Variants in LTBP2 observed in about 807,000 individuals in gnomAD.
LTBP2 encodes the protein latent-transforming growth factor beta-binding protein 2.
Under a neutral mutation model 210.6 loss-of-function variants are expected in LTBP2, and 103 were observed. That is an observed-to-expected ratio of 0.49 (90% CI 0.42 to 0.58). The LOEUF (loss-of-function observed/expected upper bound fraction) is 0.58, where lower values mean the gene tolerates loss of function less well. LTBP2 is among the 20% of genes least tolerant of loss of function. The pLI is 0.00. For synonymous variants in LTBP2, 1,007 were observed against 1,015.0 expected, an observed-to-expected ratio of 0.99 and a Z score of 0.15; for missense variants, 2,313 against 2,494.5, an observed-to-expected ratio of 0.93 and a Z score of 1.55.
At chr14:74,514,664 T>C (rs2087113019) in intron 18 of LTBP2, among the ~76,000 whole-genome samples, 1 of 152,334 alleles carries the variant, frequency 6.6e-6, no homozygotes, top group East Asian at 1.9e-4. Flanking sequence ...GTCTATCCCC[T>C]GTCCGTGGGA....
At chr14:74,588,479 C>T (rs111261027) in intron 2 of LTBP2, among the ~76,000 whole-genome samples, 1 of 152,120 alleles carries the variant, frequency 6.6e-6, no homozygotes, top group South Asian at 2.1e-4. Context: ...CCTCGGCCTC[C>T]CAAAGTGCTG....
chr14:74,525,010 T>C, intron 15 of LTBP2, 114 bp downstream of exon 15: 1 of 522,306 alleles, frequency 1.9e-6, no homozygotes, highest in Non-Finnish European at 3.3e-6. Flanking sequence ...GGACTTTACC[T>C]AGTTGGAAAG....
chr14:74,504,065 C>T lies in LTBP2; in HGVS notation c.4454-11G>A. 1 of 1,613,616 alleles carries T rather than the reference C, an allele frequency of 6.2e-7. No individual in the cohort carries two copies. The highest frequency in any genetic ancestry group is 8.5e-7 in the Non-Finnish European group (1 of 1,179,910). ...CACACTCATCCGCATCTGTGGAAGG[C>T]AGAGCTGAGGTGAGAGGAAGGTGAG... On this transcript the variant is annotated splice_polypyrimidine_tract_variant and intron_variant, in intron 30 of 35. Coordinates refer to ENST00000261978, the MANE Select transcript of LTBP2 (RefSeq NM_000428.3).
At chr14:74,522,101 T>C (rs1385676614) in intron 16 of LTBP2, 62 bp from the exon 17 acceptor site, 1 of 1,562,558 alleles carries the variant, frequency 6.4e-7, no homozygotes, top group Admixed American at 1.9e-5. Flanking sequence ...TTTGGGCACC[T>C]ACCAGCAACC....
intron 8 of LTBP2, among the ~76,000 whole-genome samples, chr14:74,540,877 A>ATATATAAT (rs1491410493): frequency 1.3e-5 from 1 of 79,530 alleles, no homozygotes; most frequent in Non-Finnish European, 2.4e-5. Flanking sequence ...TTATATATAT[A>ATATATAAT]ATATATATAT....
Position 74,501,291 on chromosome 14 carries a change from A to C in LTBP2, c.5320+150T>G, listed in dbSNP as rs545612246. On this transcript the variant is annotated intron_variant, in intron 35 of 35. Transcript: ENST00000261978. The stretch of plus-strand genomic sequence containing the variant: ...CGGAAGGGGCTTTCTAAAGCACATA[A>C]TTAAACCTTCCTTTGGCGCTTTCTT... 2.8e-4 allele frequency: 370 copies of C among 1,307,850 alleles called. 2 individuals carry two copies. In the African/African-American group the frequency reaches 4.9e-3, roughly 17 times the overall value. 81.0% of individuals were successfully genotyped at this position (1,307,850 alleles called of 1,614,324 possible).
intron 18 of LTBP2, among the ~76,000 whole-genome samples, chr14:74,513,947 C>T (rs551015067): frequency 3.1e-4 from 47 of 152,296 alleles, no homozygotes; most frequent in African/African-American, 1.1e-3. Flanking sequence ...GATTATCACA[C>T]GTGAATGGGA....
chr14:74,611,527 G>A lies in LTBP2; in HGVS notation c.418C>T (p.Pro140Ser). ...GGGGTCCCCAGGCGTGGGAGAGCCG[G>A]CGCGGCCCGGGTCCGGGGTGCTGGT... is the stretch of plus-strand genomic sequence containing the variant. ...QQPAPRTRAA[P>S]ALPRLGTPQR... Residue 140 changes from proline (P) to serine (S), a missense_variant, in exon 1 of 36, where the codon CCG becomes TCG. Transcript: ENST00000261978. 1.3e-6 allele frequency: 2 copies of A among 1,548,474 alleles called. No homozygotes were observed. The highest frequency in any genetic ancestry group is 1.7e-6 in the Non-Finnish European group (2 of 1,156,208).
Position 74,532,557 on chromosome 14 carries a change from T to C in LTBP2, c.1865-9A>G. On this transcript the variant is annotated splice_polypyrimidine_tract_variant and intron_variant, in intron 9 of 35. Coordinates refer to ENST00000261978, the MANE Select transcript of LTBP2 (RefSeq NM_000428.3). ...CAAGCACTCGTTGATATCTGCAGGG[T>C]TGGAGGAGATGACCAAGTGCCCGCC... is the stretch of plus-strand genomic sequence containing the variant. 1.2e-6 allele frequency: 2 copies of C among 1,613,892 alleles called. No individual in the cohort carries two copies. Among genetic ancestry groups the C allele is most frequent in the Non-Finnish European group, 1.7e-6 (2 of 1,179,916 alleles).
chr14:74,596,250 TAAATAAATAAATAAAAATTA>T (rs1292895344), intron 2 of LTBP2, among the ~76,000 whole-genome samples: 1 of 149,244 alleles, frequency 6.7e-6, no homozygotes, highest in African/African-American at 2.5e-5. Flanking sequence ...AATAAATAAA[TAAATAAATAAATAAAAATTA>T]AAAACAAAGA....
At chr14:74,591,168 C>T (rs535077198) in intron 2 of LTBP2, among the ~76,000 whole-genome samples, 6 of 152,112 alleles carry the variant, frequency 3.9e-5, no homozygotes, top group Non-Finnish European at 8.8e-5. Context: ...AGACTGGGTG[C>T]CGAGGCCAGA....
chr14:74,599,997 A>G (rs114572991), intron 2 of LTBP2, among the ~76,000 whole-genome samples: 1 of 152,156 alleles, frequency 6.6e-6, no homozygotes, highest in African/African-American at 2.4e-5. Flanking sequence ...AACATTCCCC[A>G]ACATTGGCAG....
At chr14:74,592,771 T>C (rs1452399399) in intron 2 of LTBP2, among the ~76,000 whole-genome samples, 1 of 152,210 alleles carries the variant, frequency 6.6e-6, no homozygotes, top group Non-Finnish European at 1.5e-5. Flanking sequence ...TTATCAAGCA[T>C]GATACCGCGA....
At chr14:74,595,674 GGCAGGGGCATGAAGGACAGTTTGGCCCT>G (rs2088350318) in intron 2 of LTBP2, among the ~76,000 whole-genome samples, 1 of 152,218 alleles carries the variant, frequency 6.6e-6, no homozygotes. Flanking sequence ...GAGAGGCCAG[GGCAGGGGCATGAAGGACAGTTTGGCCCT>G]GCAGTCGGAG....
intron 1 of LTBP2, among the ~76,000 whole-genome samples, chr14:74,610,271 G>A (rs1023448349): frequency 6.6e-6 from 1 of 152,232 alleles, no homozygotes; most frequent in African/African-American, 2.4e-5. Flanking sequence ...AAAGGAGAAA[G>A]AGGATGGGGC....
At chr14:74,600,654 A>G (rs1273942656) in intron 2 of LTBP2, among the ~76,000 whole-genome samples, 1 of 152,068 alleles carries the variant, frequency 6.6e-6, no homozygotes, top group Non-Finnish European at 1.5e-5. Context: ...CCCACCCCCT[A>G]TGAAGCCACC....
chr14:74,597,319 C>T (rs148623293), intron 2 of LTBP2, among the ~76,000 whole-genome samples: 87 of 152,304 alleles, frequency 5.7e-4, no homozygotes, highest in African/African-American at 2.1e-3. Context: ...CTATGGCCTC[C>T]CTCTTTGGGG....
chr14:74,509,710 C>T, intron 21 of LTBP2, 24 bp downstream of exon 21: 1 of 1,613,966 alleles, frequency 6.2e-7, no homozygotes, highest in Non-Finnish European at 8.5e-7. Flanking sequence ...CTGTCCCCTT[C>T]CACCACTGCC....
chr14:74,506,808 G>A lies in LTBP2; in HGVS notation c.3923C>T (p.Ala1308Val). ...NGDCIDIDEC[A>V]NDTMCGSHGF... ...GTGGCTGCCACACATGGTGTCGTTG[G>A]CGCACTCGTCTATGTCTGTGGGACA... Residue 1308 changes from alanine to valine, a missense_variant, in exon 27 of 36, where the codon GCC (alanine) becomes GTC (valine). Physicochemically the swap from Ala to Val is moderately conservative, Grantham distance 64. Around this residue, in one of 3 missense-constraint regions of LTBP2, gnomAD observed 1,867 missense variants for 1,976.9 expected, o/e 0.94. Transcript: ENST00000261978. The A allele has an allele frequency of 1.9e-6, 3 of 1,614,046 alleles. No homozygotes were observed. The highest frequency in any genetic ancestry group is 2.5e-6 in the Non-Finnish European group (3 of 1,180,030).
Sources: gnomAD v4.1 joint callset for allele counts (sites outside exome capture counted in the v4.1 genomes callset) on GRCh38, gnomAD v4.1.1 for gene constraint, gnomAD v4.1.1 regional missense constraint, MANE v1.5 for transcripts, NCBI Gene and HGNC (gene_info 2026-07-23, HGNC 2026-07-21) for gene names.